The following NHSL1 variants were observed in gnomAD, a reference collection of about 807,000 sequenced individuals.
NHSL1 encodes NHS-like protein 1.
Under a neutral mutation model 95.0 loss-of-function variants are expected in NHSL1, and 48 were observed. That is an observed-to-expected ratio of 0.51 (90% CI 0.40 to 0.64). NHSL1 has a LOEUF of 0.64. Ranked by LOEUF, NHSL1 falls within the 30% of genes least tolerant of loss-of-function variation. The pLI is 0.00. For synonymous variants in NHSL1, 783 were observed against 833.9 expected, an observed-to-expected ratio of 0.94 and a Z score of 1.05; for missense variants, 1,971 against 2,077.7, an observed-to-expected ratio of 0.95 and a Z score of 1.00.
At chr6:138,450,870 A>G (rs17782873) in intron 3 of NHSL1, among the ~76,000 whole-genome samples, 17,739 of 151,386 alleles carry the variant, frequency 0.12, 1,126 homozygotes, top group Middle Eastern at 0.17. Context: ...GCACAGAAAA[A>G]CCTCCCTCAT....
intron 1 of NHSL1, among the ~76,000 whole-genome samples, chr6:138,690,470 G>T (rs937774278): frequency 3.3e-5 from 5 of 152,084 alleles, no homozygotes; most frequent in Non-Finnish European, 7.4e-5. Flanking sequence ...GCCACGTGTG[G>T]TAGCTCACAC....
At chr6:138,463,939 T>C (rs564830889) in intron 3 of NHSL1, among the ~76,000 whole-genome samples, 8 of 152,330 alleles carry the variant, frequency 5.3e-5, no homozygotes, top group African/African-American at 1.4e-4. Context: ...GTATGATGCT[T>C]GTTTGTTCAC....
chr6:138,693,167 C>T (rs1785712280), upstream of NHSL1, among the ~76,000 whole-genome samples: 1 of 151,476 alleles, frequency 6.6e-6, no homozygotes, highest in South Asian at 2.1e-4. This position sits in a 1 kb window ranked among gnomAD's most constrained non-coding sequence, Gnocchi z 4.3. Flanking sequence ...TCCTTCCCTC[C>T]CTCCGGATTG....
chr6:138,595,336 G>A (rs865865814), intron 1 of NHSL1, among the ~76,000 whole-genome samples: 2 of 152,192 alleles, frequency 1.3e-5, no homozygotes, highest in Admixed American at 6.5e-5. Context: ...CACTTTGGGA[G>A]GCCAAGGCAG....
At chr6:138,611,545 G>C (rs1011089358) in intron 1 of NHSL1, among the ~76,000 whole-genome samples, 5 of 152,032 alleles carry the variant, frequency 3.3e-5, no homozygotes, top group Admixed American at 6.6e-5. Flanking sequence ...AGGAGATCGA[G>C]ACCATCCTGG....
chr6:138,586,976 T>C (rs949558647), intron 1 of NHSL1, among the ~76,000 whole-genome samples: 1 of 151,820 alleles, frequency 6.6e-6, no homozygotes, highest in Non-Finnish European at 1.5e-5. Context: ...TGGGCGCGTG[T>C]GTTTTTTTTG....
chr6:138,634,058 CAT>C, intron 1 of NHSL1, among the ~76,000 whole-genome samples: 1 of 151,778 alleles, frequency 6.6e-6, no homozygotes, highest in South Asian at 2.1e-4. Flanking sequence ...AAACCAAAAA[CAT>C]AAAAGATACA....
intron 1 of NHSL1, among the ~76,000 whole-genome samples, chr6:138,639,428 G>T (rs575929346): frequency 3.3e-5 from 5 of 152,048 alleles, no homozygotes; most frequent in African/African-American, 7.2e-5. Flanking sequence ...CACGAGGTCA[G>T]GAGATCGAGA....
intron 1 of NHSL1, among the ~76,000 whole-genome samples, chr6:138,641,614 C>A (rs1439363824): frequency 7.5e-6 from 1 of 133,782 alleles, no homozygotes; most frequent in East Asian, 2.1e-4. Flanking sequence ...CAGAGTGAGA[C>A]TCCGTCTCAA....
chr6:138,523,391 C>T (rs573096297), intron 1 of NHSL1, among the ~76,000 whole-genome samples: 1 of 152,044 alleles, frequency 6.6e-6, no homozygotes, highest in African/African-American at 2.4e-5. Context: ...CTCACTATAG[C>T]CTCGAACTCC....
chr6:138,630,683 C>A (rs1193002040), intron 1 of NHSL1, among the ~76,000 whole-genome samples: 1 of 152,172 alleles, frequency 6.6e-6, no homozygotes, highest in Non-Finnish European at 1.5e-5. Context: ...CGCACCCAGC[C>A]TTAAGTTTCC....
At chr6:138,448,511 C>T (rs1777010760) in intron 3 of NHSL1, among the ~76,000 whole-genome samples, 1 of 152,162 alleles carries the variant, frequency 6.6e-6, no homozygotes, top group Non-Finnish European at 1.5e-5. Context: ...ACACCCGCTA[C>T]CCCAACCACA....
chr6:138,498,893 C>A (rs1027759790), intron 1 of NHSL1, among the ~76,000 whole-genome samples: 2 of 152,154 alleles, frequency 1.3e-5, no homozygotes, highest in Non-Finnish European at 2.9e-5. Context: ...AAATTAAGTA[C>A]AAGAATTTCC....
upstream of NHSL1, among the ~76,000 whole-genome samples, chr6:138,573,770 G>A (rs1336325174): frequency 6.6e-6 from 1 of 152,114 alleles, no homozygotes; most frequent in African/African-American, 2.4e-5. Context: ...GAGAAAGTAT[G>A]TTCATACCCA....
chr6:138,596,334 C>G (rs894360024), intron 1 of NHSL1, among the ~76,000 whole-genome samples: 2 of 152,170 alleles, frequency 1.3e-5, no homozygotes, highest in African/African-American at 4.8e-5. Context: ...TTTGAATAAA[C>G]AATACAACAT....
rs1365138989 is a variant in NHSL1 at position 138,692,553 on chromosome 6, C to T, written c.20G>A (p.Arg7His). Residue 7 changes from arginine (R) to histidine (H), a missense_variant, in exon 1 of 4, where the codon CGC becomes CAC. By Grantham distance (29) the Arg-to-His change is conservative. Transcript: ENST00000491526. The surrounding 1 kb of genome is among the most constrained non-coding windows in gnomAD (Gnocchi z 4.0). ...GAGGCGGCGGTGCAGCGCGGCGGTGCGGTGGCCCAGCGCGGCCGCCTGGCC... is the reference window on the plus strand; with the variant it reads ...GAGGCGGCGGTGCAGCGCGGCGGTGTGGTGGCCCAGCGCGGCCGCCTGGCC... The T allele has an allele frequency of 5.0e-6, 1 of 199,148 alleles. No individual in the cohort carries two copies. The highest frequency in any genetic ancestry group is 7.2e-5 in the South Asian group (1 of 13,812). The allele number at this position is 199,148 out of a possible 1,614,324, so 12.3% of individuals were successfully genotyped here.
intron 3 of NHSL1, among the ~76,000 whole-genome samples, chr6:138,453,389 C>G (rs73573228): frequency 0.051 from 7,789 of 152,040 alleles, 642 homozygotes; most frequent in African/African-American, 0.18. Flanking sequence ...AGGTCTTGCC[C>G]TCTTGCCCAG....
At chr6:138,481,393 T>C (rs1779410580) in intron 2 of NHSL1, among the ~76,000 whole-genome samples, 2 of 152,244 alleles carry the variant, frequency 1.3e-5, no homozygotes, top group Admixed American at 6.5e-5. Context: ...TTGTCACTCA[T>C]GCACGATGAA....
At chr6:138,600,328 A>G (rs7753690) in intron 1 of NHSL1, among the ~76,000 whole-genome samples, 1,768 of 152,204 alleles carry the variant, frequency 0.012, 27 homozygotes, top group African/African-American at 0.041. Context: ...TGAACTCCTG[A>G]CCTCAAGGGA....
Sources: gnomAD v4.1 joint callset for allele counts (sites outside exome capture counted in the v4.1 genomes callset) on GRCh38, gnomAD v4.1.1 for gene constraint, Gnocchi (gnomAD v3.1) non-coding constraint, MANE v1.5 for transcripts, NCBI Gene and HGNC (gene_info 2026-07-23, HGNC 2026-07-21) for gene names.